The following TMEM266 variants were observed in gnomAD, a reference collection of about 807,000 sequenced individuals.
TMEM266 encodes Hv1 related protein 1.
A neutral mutation model predicts 50.5 loss-of-function variants in TMEM266; 33 were observed. The observed-to-expected ratio is 0.65, with a 90% CI of 0.50 to 0.87. The LOEUF (loss-of-function observed/expected upper bound fraction) is 0.87, where lower values mean the gene tolerates loss of function less well. TMEM266 is among the 40% of genes least tolerant of loss of function. The pLI is 0.00. For missense variants in TMEM266, 655 were observed against 695.1 expected (o/e 0.94, Z 0.65); for synonymous variants, 310 against 292.3 (o/e 1.06, Z -0.62).
chr15:76,164,277 C>G (rs1053545222), intron 5 of TMEM266, among the ~76,000 whole-genome samples: 5 of 152,212 alleles, frequency 3.3e-5, no homozygotes, highest in Non-Finnish European at 5.9e-5. Flanking sequence ...CCAATCACAG[C>G]TCACTGCAGC....
At chr15:76,112,837 G>C (rs1196884098) in intron 1 of TMEM266, 1 of 152,168 alleles carries the variant, frequency 6.6e-6, no homozygotes, top group Non-Finnish European at 1.5e-5. Flanking sequence ...GATGGTATGT[G>C]AGCATAAACC....
intron 1 of TMEM266, among the ~76,000 whole-genome samples, chr15:76,061,960 A>G (rs973000154): frequency 6.6e-5 from 10 of 152,168 alleles, no homozygotes; most frequent in Admixed American, 2.0e-4. Flanking sequence ...CAGTCTCTCT[A>G]TGATTGTAGC....
rs1478271021 is a variant in TMEM266, at chr15:76,130,239, AAAAAAAAAAAAAAAAC to A, written c.-96-3928_-96-3913del. On this transcript the variant is annotated intron_variant, in intron 1 of 10. Transcript: ENST00000388942. ...CTGTCAAAAAAAAAAAAAAAAAAAA[AAAAAAAAAAAAAAAAC>A]CGCCGGGTGCAGTGTCTCATGCCTG... Among the ~76,000 whole-genome samples, 83 of 135,902 alleles carry A rather than the reference AAAAAAAAAAAAAAAAC, an allele frequency of 6.1e-4. 9 individuals carry two copies. In the South Asian group the frequency reaches 0.019, roughly 32 times the overall value. 89.2% of individuals were successfully genotyped at this position (135,902 alleles called of 152,430 possible).
chr15:76,192,853 T>C (rs2038601854), intron 9 of TMEM266, among the ~76,000 whole-genome samples: 1 of 152,222 alleles, frequency 6.6e-6, no homozygotes, highest in South Asian at 2.1e-4. Flanking sequence ...CTCACAGGGC[T>C]GCTGCGAGGC....
At chr15:76,137,993 G>C in intron 3 of TMEM266, 98 bp downstream of exon 3, 1 of 1,245,758 alleles carries the variant, frequency 8.0e-7, no homozygotes, top group Non-Finnish European at 1.1e-6. Flanking sequence ...AGGCAGAGGC[G>C]GGCAGATCAC....
intron 1 of TMEM266, among the ~76,000 whole-genome samples, chr15:76,076,002 A>G (rs1251178238): frequency 6.6e-6 from 1 of 151,354 alleles, no homozygotes; most frequent in Non-Finnish European, 1.5e-5. Context: ...GACCACAGGT[A>G]CATACCACCA....
At chr15:76,067,776 TG>T in intron 1 of TMEM266, among the ~76,000 whole-genome samples, 1 of 151,964 alleles carries the variant, frequency 6.6e-6, no homozygotes, top group East Asian at 1.9e-4. Context: ...GGTATTTTTT[TG>T]TGGGGGGCAT....
chr15:76,133,554 G>A (rs572456831), intron 1 of TMEM266, among the ~76,000 whole-genome samples: 1 of 152,328 alleles, frequency 6.6e-6, no homozygotes, highest in South Asian at 2.1e-4. Flanking sequence ...AGTTAGTTCT[G>A]TTATTATCCC....
At chr15:76,066,728 T>C (rs1020708082) in intron 1 of TMEM266, among the ~76,000 whole-genome samples, 1 of 152,078 alleles carries the variant, frequency 6.6e-6, no homozygotes, top group African/African-American at 2.4e-5. Context: ...ATCTGCTGTG[T>C]GTGTCCCTGG....
intron 3 of TMEM266, among the ~76,000 whole-genome samples, chr15:76,144,934 C>G (rs2037735115): frequency 1.3e-5 from 2 of 152,172 alleles, no homozygotes; most frequent in South Asian, 2.1e-4. Context: ...TATCTCCAAG[C>G]CTTGTAAATC....
In TMEM266 at chr15:76,121,687, G is replaced by A. The variant is rs1290690106; in HGVS notation, c.-96-12481G>A. Among the ~76,000 whole-genome samples, 3 of 152,310 alleles carry A rather than the reference G, an allele frequency of 2.0e-5. No individual in the cohort carries two copies. In the East Asian group the frequency reaches 5.8e-4, roughly 29 times the overall value. Reference sequence around the variant, plus strand: ...CTGCCTCGGCCTCCCAAAGTGCTGGGATTACAGGCATGAGCCACCACACCC... The same window carrying A: ...CTGCCTCGGCCTCCCAAAGTGCTGGAATTACAGGCATGAGCCACCACACCC... On this transcript the variant is annotated intron_variant, in intron 1 of 10. Coordinates refer to ENST00000388942, the MANE Select transcript of TMEM266 (RefSeq NM_152335.3).
intron 1 of TMEM266, among the ~76,000 whole-genome samples, chr15:76,072,438 CAAAA>C (rs766766619): frequency 3.7e-5 from 2 of 54,550 alleles, no homozygotes; most frequent in Non-Finnish European, 4.0e-5. Context: ...AAAACTCTGT[CAAAA>C]AAAAAAAAAA....
At chr15:76,195,896 C>G (rs1402472555) in intron 9 of TMEM266, among the ~76,000 whole-genome samples, 1 of 152,228 alleles carries the variant, frequency 6.6e-6, no homozygotes, top group Non-Finnish European at 1.5e-5. Context: ...TAAAATACTC[C>G]TGCACATTCT....
intron 1 of TMEM266, among the ~76,000 whole-genome samples, chr15:76,102,788 A>G (rs1252601700): frequency 1.3e-5 from 2 of 150,962 alleles, no homozygotes; most frequent in Non-Finnish European, 3.0e-5. Context: ...GCAGTGAGCC[A>G]AGATGATGCC....
chr15:76,101,651 G>A (rs1820805274), intron 1 of TMEM266, among the ~76,000 whole-genome samples: 1 of 152,210 alleles, frequency 6.6e-6, no homozygotes, highest in South Asian at 2.1e-4. Context: ...CTCCACAACA[G>A]ACAAATGTCA....
chr15:76,073,057 A>AAGTAGCTGGGATTACAGGCATG (rs1475807192), intron 1 of TMEM266, among the ~76,000 whole-genome samples: 3 of 150,756 alleles, frequency 2.0e-5, no homozygotes, highest in African/African-American at 4.9e-5. Flanking sequence ...TCAGCCTCCC[A>AAGTAGCTGGGATTACAGGCATG]AGTAGCTGGG....
At chr15:76,091,609 C>T (rs1867562267) in intron 1 of TMEM266, among the ~76,000 whole-genome samples, 1 of 151,950 alleles carries the variant, frequency 6.6e-6, no homozygotes, top group South Asian at 2.1e-4. Context: ...GATGATCTTT[C>T]ATAAAATGGA....
At chr15:76,113,469 C>T (rs1485585857) in intron 1 of TMEM266, 1 of 152,382 alleles carries the variant, frequency 6.6e-6, no homozygotes, top group African/African-American at 2.4e-5. Context: ...GCTTAAAAGG[C>T]TGGGGCCAGA....
chr15:76,112,454 A>G (rs2037184098), intron 1 of TMEM266: 1 of 152,190 alleles, frequency 6.6e-6, no homozygotes. Context: ...TTTCCATAAA[A>G]AATAAAGTCT....
Sources: gnomAD v4.1 joint callset for allele counts (sites outside exome capture counted in the v4.1 genomes callset) on GRCh38, gnomAD v4.1.1 for gene constraint, MANE v1.5 for transcripts, NCBI Gene and HGNC (gene_info 2026-07-23, HGNC 2026-07-21) for gene names.